The following USP48 variants were observed in gnomAD, a reference collection of about 807,000 sequenced individuals.
USP48 encodes the protein ubiquitin carboxyl-terminal hydrolase 48.
A neutral mutation model predicts 150.7 loss-of-function variants in USP48; 43 were observed. That is an observed-to-expected ratio of 0.29 (90% CI 0.22 to 0.37). The LOEUF (loss-of-function observed/expected upper bound fraction) is 0.37, where lower values mean the gene tolerates loss of function less well. USP48 is among the 10% of genes least tolerant of loss of function. USP48 has a pLI of 1.00. For missense variants in USP48, 813 were observed against 1,249.6 expected, an observed-to-expected ratio of 0.65 and a Z score of 5.27; for synonymous variants, 396 against 425.9, an observed-to-expected ratio of 0.93 and a Z score of 0.86.
At chr1:21,772,925 A>C (rs2097885868) in intron 1 of USP48, among the ~76,000 whole-genome samples, 1 of 151,366 alleles carries the variant, frequency 6.6e-6, no homozygotes. Context: ...CTGTCTCAAA[A>C]AAAAAAAACC....
At chr1:21,754,821 G>A (rs973731400) in intron 3 of USP48, among the ~76,000 whole-genome samples, 1 of 152,124 alleles carries the variant, frequency 6.6e-6, no homozygotes, top group Non-Finnish European at 1.5e-5. Context: ...CTCTGTAGGG[G>A]GTTCCAGGGC....
At chr1:21,744,654 GTAATCCCAGC>G (rs576644549) in intron 8 of USP48, among the ~76,000 whole-genome samples, 148 of 150,094 alleles carry the variant, frequency 9.9e-4, no homozygotes, top group Middle Eastern at 3.4e-3. Flanking sequence ...GCAGGCGCCT[GTAATCCCAGC>G]TACTCGGAAA....
chr1:21,727,608 G>C (rs1302097387), intron 11 of USP48, among the ~76,000 whole-genome samples: 1 of 152,186 alleles, frequency 6.6e-6, no homozygotes, highest in Non-Finnish European at 1.5e-5. Flanking sequence ...TATAAATTTA[G>C]AGATCTGAAT....
chr1:21,736,353 C>A, intron 9 of USP48, 93 bp downstream of exon 9: 1 of 1,252,086 alleles, frequency 8.0e-7, no homozygotes, highest in Admixed American at 2.4e-5. Flanking sequence ...TAGTCTGTAA[C>A]ATAACAATCT....
At chr1:21,743,343 A>G (rs1474787267) in intron 8 of USP48, among the ~76,000 whole-genome samples, 1 of 152,192 alleles carries the variant, frequency 6.6e-6, no homozygotes, top group Non-Finnish European at 1.5e-5. Context: ...ACCTCAGCTG[A>G]AAACATATAA....
chr1:21,714,093 A>ACCC (rs2097697852), intron 15 of USP48, among the ~76,000 whole-genome samples: 1 of 152,212 alleles, frequency 6.6e-6, no homozygotes, highest in Non-Finnish European at 1.5e-5. Flanking sequence ...AGGGATAAGA[A>ACCC]TGAGACATCA....
At chr1:21,756,779 T>C (rs548462121) in intron 2 of USP48, 77 bp from the exon 3 acceptor site, 3 of 1,567,742 alleles carry the variant, frequency 1.9e-6, no homozygotes, top group African/African-American at 1.4e-5. Context: ...ATTCTTAAAT[T>C]TTCAGATTAA....
intron 14 of USP48, 100 bp from the exon 15 acceptor site, chr1:21,715,557 CT>C: frequency 1.6e-6 from 1 of 639,766 alleles, no homozygotes; most frequent in Non-Finnish European, 2.6e-6. Context: ...ACAAAGAAAA[CT>C]TTAAAACTCT....
intron 23 of USP48, among the ~76,000 whole-genome samples, chr1:21,694,848 C>A (rs1292624191): frequency 2.0e-5 from 3 of 152,222 alleles, no homozygotes; most frequent in Non-Finnish European, 2.9e-5. Flanking sequence ...TGGTTCCCAG[C>A]GTTTCTCATT....
chr1:21,737,173 C>T (rs551545867), intron 8 of USP48, among the ~76,000 whole-genome samples: 11 of 152,250 alleles, frequency 7.2e-5, no homozygotes, highest in Non-Finnish European at 1.6e-4. Context: ...TAACACCCAG[C>T]GCGTTGAGAT....
At chr1:21,740,925 C>T (rs116726432) in intron 8 of USP48, among the ~76,000 whole-genome samples, 354 of 152,182 alleles carry the variant, frequency 2.3e-3, no homozygotes, top group African/African-American at 7.9e-3. Flanking sequence ...GAACAGAGAA[C>T]GAATAAAGTA....
chr1:21,689,934 T>TGTTACAACATAACTCAAGTTATG, intron 24 of USP48, 40 bp downstream of exon 24: 1 of 1,609,412 alleles, frequency 6.2e-7, no homozygotes, highest in Non-Finnish European at 8.5e-7. Context: ...ATGTAACATG[T>TGTTACAACATAACTCAAGTTATG]AAAACCTTGA....
At chr1:21,723,739 TA>T (rs1443644130) in intron 12 of USP48, among the ~76,000 whole-genome samples, 158 bp downstream of exon 12, 1 of 152,166 alleles carries the variant, frequency 6.6e-6, no homozygotes, top group Admixed American at 6.5e-5. Context: ...ATCAGTTGCT[TA>T]ACTTCTACTT....
intron 1 of USP48, among the ~76,000 whole-genome samples, chr1:21,768,925 A>G (rs905445054): frequency 4.6e-5 from 7 of 152,046 alleles, no homozygotes; most frequent in Admixed American, 2.0e-4. Context: ...TTTGCCTCCC[A>G]AACTGCTGGG....
chr1:21,779,599 A>C (rs1183815208), intron 1 of USP48, among the ~76,000 whole-genome samples: 2 of 152,114 alleles, frequency 1.3e-5, no homozygotes, highest in Non-Finnish European at 2.9e-5. Context: ...ACAACCCAAC[A>C]ATCCCACTTC....
At chr1:21,707,983 G>A (rs1460479253) in intron 15 of USP48, among the ~76,000 whole-genome samples, 2 of 151,924 alleles carry the variant, frequency 1.3e-5, no homozygotes, top group Non-Finnish European at 2.9e-5. Flanking sequence ...CCAACATGAT[G>A]AAACCCTGCG....
rs531169974 is a variant in USP48, at chr1:21,717,026, T to A, written c.1895-1569A>T. Among the ~76,000 whole-genome samples the A allele has an allele frequency of 6.6e-3, 1,005 of 151,614 alleles. 5 individuals are homozygous for A. Among genetic ancestry groups the A allele is most frequent in the Non-Finnish European group, 9.6e-3 (649 of 67,866 alleles). Reference sequence around the variant, plus strand: ...GCGAGACTCCGTCTCAAAAAAAAAATAATTATCCATGGGTTTTCCAGGTTA... The same window carrying A: ...GCGAGACTCCGTCTCAAAAAAAAAAAAATTATCCATGGGTTTTCCAGGTTA... On this transcript the variant is annotated intron_variant, in intron 14 of 26. Coordinates refer to ENST00000308271, the MANE Select transcript of USP48 (RefSeq NM_032236.8).
intron 8 of USP48, among the ~76,000 whole-genome samples, chr1:21,737,389 TC>T (rs1349856295): frequency 1.3e-5 from 2 of 152,244 alleles, no homozygotes; most frequent in African/African-American, 4.8e-5. Flanking sequence ...TCAGATTTCT[TC>T]GTATTTTAAG....
chr1:21,716,522 C>T (rs1164418562), intron 14 of USP48, among the ~76,000 whole-genome samples: 1 of 152,208 alleles, frequency 6.6e-6, no homozygotes, highest in African/African-American at 2.4e-5. Flanking sequence ...GTAATATTTT[C>T]AGACTGCAGT....
Sources: allele counts gnomAD v4.1 joint callset (sites outside exome capture counted in the v4.1 genomes callset), GRCh38; gene constraint gnomAD v4.1.1; transcripts MANE v1.5; gene names NCBI Gene and HGNC (gene_info 2026-07-23, HGNC 2026-07-21).